Variants in KIAA1549L observed in about 807,000 individuals in gnomAD.
KIAA1549L encodes the protein UPF0606 protein KIAA1549L.
A neutral mutation model predicts 160.7 loss-of-function variants in KIAA1549L; 88 were observed. The observed-to-expected ratio is 0.55, with a 90% confidence interval of 0.46 to 0.65. KIAA1549L has a LOEUF of 0.65. KIAA1549L is among the 30% of genes least tolerant of loss of function. The probability of loss-of-function intolerance (pLI) is 0.00; values close to 1 mark genes in which losing one functional copy is unlikely to be tolerated. For synonymous variants in KIAA1549L, 950 were observed against 976.7 expected (o/e 0.97, Z 0.51); for missense variants, 2,258 against 2,437.5 (o/e 0.93, Z 1.55).
At chr11:33,402,993 CT>C (rs956052773) in intron 1 of KIAA1549L, among the ~76,000 whole-genome samples, 3 of 152,106 alleles carry the variant, frequency 2.0e-5, no homozygotes, top group Admixed American at 6.5e-5. Flanking sequence ...ATACTCCCCC[CT>C]GGTTAAAGCT....
chr11:33,543,287 C>T lies in KIAA1549L; in HGVS notation c.1724C>T (p.Ala575Val). 6.2e-7 allele frequency: 1 copy of T among 1,614,042 alleles called. No individual in the cohort carries two copies. Among genetic ancestry groups the T allele is most frequent in the Non-Finnish European group, 8.5e-7 (1 of 1,179,892 alleles). ...GCCATTTTAGGGAAGAATGAAGAGG[C>T]AAATGTGACGATTCCTCTCCAGGCC... ...VTAILGKNEE[A>V]NVTIPLQAFP... Residue 575 changes from alanine to valine, a missense_variant, in exon 2 of 21, where the codon GCA (alanine) becomes GTA (valine). By Grantham distance (64) the Ala-to-Val change is moderately conservative (BLOSUM62 0). This residue lies in a region of KIAA1549L where 540 missense variants were observed against 465.7 expected (regional missense o/e 1.16). Coordinates refer to ENST00000658780, the MANE Select transcript of KIAA1549L (RefSeq NM_012194.3).
At chr11:33,406,621 A>G (rs937973515) in intron 1 of KIAA1549L, among the ~76,000 whole-genome samples, 7 of 152,214 alleles carry the variant, frequency 4.6e-5, no homozygotes, top group Admixed American at 4.6e-4. Flanking sequence ...CCTGAAATTC[A>G]GGGCAGGTCT....
At chr11:33,436,158 G>A (rs1851376692) in intron 1 of KIAA1549L, among the ~76,000 whole-genome samples, 1 of 151,888 alleles carries the variant, frequency 6.6e-6, no homozygotes, top group Non-Finnish European at 1.5e-5. Context: ...GAGCATCTGG[G>A]GATTTTGGTA....
chr11:33,563,026 G>C (rs1313939375), intron 8 of KIAA1549L, among the ~76,000 whole-genome samples: 1 of 151,792 alleles, frequency 6.6e-6, no homozygotes, highest in Non-Finnish European at 1.5e-5. Context: ...ATACAGTCAC[G>C]TTCTGAGGTA....
chr11:33,647,242 G>A (rs1280230595), intron 17 of KIAA1549L, among the ~76,000 whole-genome samples: 2 of 152,150 alleles, frequency 1.3e-5, no homozygotes, highest in South Asian at 2.1e-4. Flanking sequence ...CAGGTGTGGC[G>A]GCATGCGCCT....
intron 1 of KIAA1549L, among the ~76,000 whole-genome samples, chr11:33,393,978 T>G (rs1049517561): frequency 1.3e-5 from 2 of 152,238 alleles, no homozygotes; most frequent in African/African-American, 4.8e-5. Flanking sequence ...TTGACCATTC[T>G]GCCTACAAAT....
Position 33,668,065 on chromosome 11 carries a change from A to G in KIAA1549L, c.6352A>G (p.Ile2118Val), listed in dbSNP as rs986713560. 4 of 1,613,988 alleles carry G rather than the reference A, an allele frequency of 2.5e-6. No individual in the cohort carries two copies. The highest frequency in any genetic ancestry group is 3.4e-6 in the Non-Finnish European group (4 of 1,179,882). Residue 2118 changes from isoleucine to valine, a missense_variant, in exon 21 of 21, where the codon ATC (isoleucine) becomes GTC (valine). Physicochemically the swap from Ile to Val is conservative, Grantham distance 29. This residue lies in a region of KIAA1549L where 1,359 missense variants were observed against 1,546.6 expected (regional missense o/e 0.88). Transcript: ENST00000658780. ...NDPSDAPLTN[I>V]STAALVKAIR... ...CCCGTCTGACGCTCCCCTGACCAAC[A>G]TCTCCACTGCGGCCCTTGTGAAGGC...
Position 33,660,920 on chromosome 11 carries a change from G to A in KIAA1549L, c.6065G>A (p.Gly2022Asp). 5 of 1,613,730 alleles carry A rather than the reference G, an allele frequency of 3.1e-6. No individual in the cohort carries two copies. The highest frequency in any genetic ancestry group is 4.2e-6 in the Non-Finnish European group (5 of 1,179,810). The change falls in exon 20 of 21, where the codon GGC (glycine) becomes GAC (aspartate). Residue 2022 changes from glycine to aspartate, a missense_variant. Transcript: ENST00000658780. The part of the protein sequence containing the change: ...IPAANRPGFT[G>D]YFIPTPPSSY... ...GCTGCCAACAGACCTGGCTTCACCG[G>A]CTACTTCATCCCAACGCCTCCCTCA...
chr11:33,421,320 G>T (rs1230202179), intron 1 of KIAA1549L, among the ~76,000 whole-genome samples: 3 of 152,200 alleles, frequency 2.0e-5, no homozygotes, highest in African/African-American at 7.2e-5. Context: ...GAGCAGATCG[G>T]AGAGGAAAGC....
At chr11:33,626,148 T>A (rs1273507788) in intron 16 of KIAA1549L, among the ~76,000 whole-genome samples, 13 of 148,422 alleles carry the variant, frequency 8.8e-5, no homozygotes, top group Non-Finnish European at 1.8e-4. Context: ...TACCATGCTG[T>A]TTTGGTTACT....
At chr11:33,411,292 TG>T (rs1180810821) in intron 1 of KIAA1549L, among the ~76,000 whole-genome samples, 3 of 152,186 alleles carry the variant, frequency 2.0e-5, no homozygotes, top group Non-Finnish European at 4.4e-5. Flanking sequence ...ATGAAGTGAT[TG>T]TTGTTCTCAA....
At chr11:33,498,543 A>T (rs1438547557) in intron 1 of KIAA1549L, among the ~76,000 whole-genome samples, 1 of 152,196 alleles carries the variant, frequency 6.6e-6, no homozygotes, top group Non-Finnish European at 1.5e-5. Context: ...AGCTTTCCTC[A>T]TAGCATGGAG....
At chr11:33,414,840 TGA>T (rs141132952) in intron 1 of KIAA1549L, among the ~76,000 whole-genome samples, 4 of 151,760 alleles carry the variant, frequency 2.6e-5, no homozygotes, top group East Asian at 1.9e-4. Flanking sequence ...TGAGTGTGTG[TGA>T]GAGAGAGAGA....
At chr11:33,646,795 T>A (rs12802717) in intron 17 of KIAA1549L, among the ~76,000 whole-genome samples, 38,129 of 152,066 alleles carry the variant, frequency 0.25, 4,855 homozygotes, top group East Asian at 0.41. Context: ...CAATCCTCCC[T>A]CTTTTTCCTT....
chr11:33,607,764 G>A (rs1226624207), intron 14 of KIAA1549L, among the ~76,000 whole-genome samples: 3 of 152,168 alleles, frequency 2.0e-5, no homozygotes, highest in Non-Finnish European at 4.4e-5. Flanking sequence ...TAAATACGCA[G>A]CATCTGGGCC....
rs1852708349 is a variant in KIAA1549L, at chr11:33,672,961, T to A, written c.*4807T>A. The A allele has an allele frequency of 6.5e-6, 1 of 153,614 alleles. No homozygotes were observed. Among genetic ancestry groups the A allele is most frequent in the African/African-American group, 2.4e-5 (1 of 41,470 alleles). 9.5% of individuals were successfully genotyped at this position (153,614 alleles called of 1,614,324 possible). A position where few individuals can be genotyped will look rare whatever the true frequency, so the allele number is the denominator to read the frequency against. On this transcript the variant is annotated 3_prime_UTR_variant, in exon 21 of 21. Transcript: ENST00000658780. Reference sequence around the variant, plus strand: ...AGAGTCTTTTGAAACAAAATTGGTTTCAAGTGAAACTTACATTATTTTTTG... The same window carrying A: ...AGAGTCTTTTGAAACAAAATTGGTTACAAGTGAAACTTACATTATTTTTTG...
Position 33,658,879 on chromosome 11 carries a change from G to A in KIAA1549L, c.5988G>A (p.Gln1996=), listed in dbSNP as rs1381026074. Residue 1996 remains glutamine, a synonymous_variant, in exon 19 of 21, where the codon CAG becomes CAA. Transcript: ENST00000658780. Reference sequence around the variant, plus strand: ...CTGTGTCCGTGACGCAGTTGGATCAGTCGGCTTTAAATTACTCAGGTGGGC... The same window carrying A: ...CTGTGTCCGTGACGCAGTTGGATCAATCGGCTTTAAATTACTCAGGTGGGC... ...RGPVSVTQLD[Q]SALNYSGNTV... The A allele has an allele frequency of 2.6e-6, 4 of 1,557,828 alleles. No homozygotes were observed. In the African/African-American group the frequency reaches 5.5e-5, roughly 21 times the overall value.
chr11:33,660,156 A>G lies in KIAA1549L; in HGVS notation c.6008-707A>G, dbSNP rs564027836. Among the ~76,000 whole-genome samples the G allele has an allele frequency of 2.7e-5, 4 of 149,590 alleles. 1 individual carries two copies. The highest frequency in any genetic ancestry group is 7.4e-5 in the African/African-American group (3 of 40,450). ...AGACTTTCCTTCCCCAGGTGAGTAC[A>G]GACTCCACCCCTGGCAAAGGGAATA... On this transcript the variant is annotated intron_variant, in intron 19 of 20. Transcript: ENST00000658780.
intron 16 of KIAA1549L, among the ~76,000 whole-genome samples, chr11:33,639,786 C>T (rs1490759755): frequency 2.6e-5 from 4 of 152,226 alleles, no homozygotes; most frequent in South Asian, 2.1e-4. Context: ...ATGATCCGCC[C>T]GCCTTGGCCT....
Sources: gnomAD v4.1 joint callset for allele counts (sites outside exome capture counted in the v4.1 genomes callset) on GRCh38, gnomAD v4.1.1 for gene constraint, gnomAD v4.1.1 regional missense constraint, MANE v1.5 for transcripts, NCBI Gene and HGNC (gene_info 2026-07-23, HGNC 2026-07-21) for gene names.